ADCY5: variants seen among roughly 807,000 people sequenced by gnomAD.
ADCY5 encodes the protein adenylate cyclase type 5.
In ADCY5, 30 loss-of-function variants were observed where a neutral mutation model predicts 119.7. The observed-to-expected ratio is 0.25, with a 90% CI of 0.19 to 0.34. ADCY5 has a LOEUF of 0.34. Among genes scored for constraint, ADCY5 ranks in the 10% least tolerant of loss-of-function variants. ADCY5 has a pLI of 1.00. For missense variants in ADCY5, 1,324 were observed against 1,775.2 expected, an observed-to-expected ratio of 0.75 and a Z score of 4.57; for synonymous variants, 753 against 762.2, an observed-to-expected ratio of 0.99 and a Z score of 0.20.
rs549665305 is a variant in ADCY5, at chr3:123,302,443, G to A, written c.2724+612C>T. 8.5e-5 allele frequency among the ~76,000 whole-genome samples: 13 copies of A among 152,300 alleles called. No individual in the cohort carries two copies. In the South Asian group the frequency reaches 1.5e-3, roughly 17 times the overall value. On this transcript the variant is annotated intron_variant, in intron 14 of 20. Coordinates refer to ENST00000462833, the MANE Select transcript of ADCY5 (RefSeq NM_183357.3). ...TGAACACACTAAAAGCTACTGAACC[G>A]TGCACTTTGAACGGGTGAGGTTTAT...
chr3:123,371,082 G>C (rs1047985904), intron 1 of ADCY5, among the ~76,000 whole-genome samples: 19 of 152,198 alleles, frequency 1.2e-4, no homozygotes, highest in Non-Finnish European at 2.5e-4. Context: ...ACAGTGGCCA[G>C]ACTCTGCACG....
chr3:123,414,335 C>A (rs766120643), intron 1 of ADCY5, among the ~76,000 whole-genome samples: 3 of 152,206 alleles, frequency 2.0e-5, no homozygotes, highest in Non-Finnish European at 4.4e-5. Context: ...CCTCTCTAAG[C>A]CTTTTTTTCT....
rs764072307 is a variant in ADCY5 at position 123,300,148 on chromosome 3, C to T, written c.2872G>A (p.Ala958Thr). The T allele has an allele frequency of 5.0e-6, 8 of 1,613,868 alleles. No individual in the cohort carries two copies. The highest frequency in any genetic ancestry group is 1.3e-5 in the African/African-American group (1 of 75,058). ...EVPGVTLFDN[A>T]DLLVTANAID... The stretch of plus-strand genomic sequence containing the variant: ...GCGTTGGCGGTGACCAGCAGGTCGG[C>T]GTTGTCGAAGAGCGTGACACCTGGC... Residue 958 changes from alanine to threonine, a missense_variant, in exon 15 of 21, where the codon GCC becomes ACC. Coordinates refer to ENST00000462833, the MANE Select transcript of ADCY5 (RefSeq NM_183357.3).
chr3:123,306,491 C>T (rs1940205650), intron 12 of ADCY5, among the ~76,000 whole-genome samples: 1 of 152,110 alleles, frequency 6.6e-6, no homozygotes, highest in African/African-American at 2.4e-5. Flanking sequence ...TTAGAGGTGA[C>T]ACCAAAAGCA....
intron 1 of ADCY5, among the ~76,000 whole-genome samples, chr3:123,407,396 AT>A (rs1428908476): frequency 6.6e-6 from 1 of 152,210 alleles, no homozygotes; most frequent in Non-Finnish European, 1.5e-5. Context: ...ATGGAATATT[AT>A]TCATCCATAA....
rs1945870941 is a variant in ADCY5 at position 123,448,428 on chromosome 3, T to G, written c.118A>C (p.Asn40His). 7.3e-7 allele frequency: 1 copy of G among 1,365,300 alleles called. No individual in the cohort carries two copies. The highest frequency in any genetic ancestry group is 9.4e-7 in the Non-Finnish European group (1 of 1,061,820). 84.6% of individuals were successfully genotyped at this position (1,365,300 alleles called of 1,614,324 possible). A position where few individuals can be genotyped will look rare whatever the true frequency, so the allele number is the denominator to read the frequency against. ...CCCCCGGGGGCATGGGGGTAGCCATTCGCGCGGGAATCGGCCTCGCCCCAC... is the reference window on the plus strand; with the variant it reads ...CCCCCGGGGGCATGGGGGTAGCCATGCGCGCGGGAATCGGCCTCGCCCCAC... ...SAWGEADSRANGYPHAPGGSA... is the reference protein window; with the variant it reads ...SAWGEADSRAHGYPHAPGGSA... The change falls in exon 1 of 21, where the codon AAT (asparagine) becomes CAT (histidine). Residue 40 changes from asparagine (N) to histidine (H), a missense_variant. Transcript: ENST00000462833.
chr3:123,327,008 A>G (rs977905103), intron 7 of ADCY5, among the ~76,000 whole-genome samples: 3 of 152,232 alleles, frequency 2.0e-5, no homozygotes, highest in Admixed American at 1.3e-4. Context: ...AGTAAAAGGC[A>G]TTTTAGTTTA....
intron 1 of ADCY5, among the ~76,000 whole-genome samples, chr3:123,440,085 A>G (rs1175584018): frequency 6.6e-6 from 1 of 152,226 alleles, no homozygotes; most frequent in African/African-American, 2.4e-5. Flanking sequence ...CAGAGCTTAG[A>G]GTCTGCGTGC....
chr3:123,292,684 C>T (rs1026315919), intron 17 of ADCY5, among the ~76,000 whole-genome samples: 4 of 152,116 alleles, frequency 2.6e-5, no homozygotes, highest in Non-Finnish European at 5.9e-5. Flanking sequence ...GTGTCTGGCT[C>T]TGGAACAGCT....
Position 123,291,516 on chromosome 3 carries a change from C to T in ADCY5, c.3064-140G>A, listed in dbSNP as rs56066738. ...TTGTGCCCAGGATGTTGGCAAGTACCGCTGTCTCTCCTCCTCTCTCTGCTG... is the reference window on the plus strand; with the variant it reads ...TTGTGCCCAGGATGTTGGCAAGTACTGCTGTCTCTCCTCCTCTCTCTGCTG... On this transcript the variant is annotated intron_variant, in intron 17 of 20. Coordinates refer to ENST00000462833, the MANE Select transcript of ADCY5 (RefSeq NM_183357.3). 0.17 allele frequency: 171,892 copies of T among 998,978 alleles called. 16,287 individuals carry two copies. The highest frequency in any genetic ancestry group is 0.27 in the Middle Eastern group (1,248 of 4,612). The allele number at this position is 998,978 out of a possible 1,614,324, so 61.9% of individuals were successfully genotyped here.
Position 123,325,410 on chromosome 3 carries a change from A to T in ADCY5, c.2000T>A (p.Ile667Asn), listed in dbSNP as rs771435487. 7.4e-6 allele frequency: 12 copies of T among 1,614,186 alleles called. No homozygotes were observed. The highest frequency in any genetic ancestry group is 1.0e-5 in the Non-Finnish European group (12 of 1,180,020). The change falls in exon 8 of 21, where the codon ATC becomes AAC. Residue 667 changes from isoleucine to asparagine, a missense_variant. Transcript: ENST00000462833. The part of the protein sequence containing the change: ...AKMNRQRTNS[I>N]GHNPPHWGAE... ...CCCCCAGTGTGGTGGGTTGTGCCCG[A>T]TGGAGTTGGTTCTCTGGCGGTTCAT...
At chr3:123,412,705 C>T (rs941530791) in intron 1 of ADCY5, among the ~76,000 whole-genome samples, 1 of 152,070 alleles carries the variant, frequency 6.6e-6, no homozygotes, top group African/African-American at 2.4e-5. Flanking sequence ...TCCAACTCCC[C>T]CATCCCTCAT....
At chr3:123,387,830 A>T (rs1944274282) in intron 1 of ADCY5, among the ~76,000 whole-genome samples, 1 of 152,228 alleles carries the variant, frequency 6.6e-6, no homozygotes, top group Admixed American at 6.5e-5. Flanking sequence ...GTCTAGGAGG[A>T]GACAGATAAA....
In ADCY5 at chr3:123,361,925, A is replaced by C. The variant is rs535076052; in HGVS notation, c.1135-9344T>G. On this transcript the variant is annotated intron_variant, in intron 1 of 20. Transcript: ENST00000462833. ...CCACTGTGGCATCATGTCAGAGCTC[A>C]AAATGTTTCAGATTTTAGAGCATTT... 1.2e-4 allele frequency among the ~76,000 whole-genome samples: 18 copies of C among 152,354 alleles called. 1 individual carries two copies. Among genetic ancestry groups the C allele is most frequent in the South Asian group, 8.3e-4 (4 of 4,822 alleles).
chr3:123,437,264 G>C (rs1037569881), intron 1 of ADCY5, among the ~76,000 whole-genome samples: 1 of 152,162 alleles, frequency 6.6e-6, no homozygotes, highest in African/African-American at 2.4e-5. Context: ...GTGCCCAACA[G>C]CCACTGGTTG....
chr3:123,359,331 A>AATACATATATATATATAT (rs1476687771), intron 1 of ADCY5, among the ~76,000 whole-genome samples: 6 of 109,764 alleles, frequency 5.5e-5, no homozygotes, highest in African/African-American at 1.9e-4. Context: ...CTTATACTAA[A>AATACATATATATATATAT]ATATATATAT....
At chr3:123,416,566 A>G (rs1414986552) in intron 1 of ADCY5, among the ~76,000 whole-genome samples, 1 of 152,206 alleles carries the variant, frequency 6.6e-6, no homozygotes, top group Non-Finnish European at 1.5e-5. Context: ...TGCTGGGGAC[A>G]AGGCAGCCTG....
intron 7 of ADCY5, among the ~76,000 whole-genome samples, chr3:123,327,000 T>A (rs1941524970): frequency 6.6e-6 from 1 of 152,240 alleles, no homozygotes; most frequent in African/African-American, 2.4e-5. Context: ...GACTCATAAG[T>A]AAAAGGCATT....
chr3:123,434,274 C>T (rs2107648413), intron 1 of ADCY5, among the ~76,000 whole-genome samples: 1 of 152,342 alleles, frequency 6.6e-6, no homozygotes. Flanking sequence ...TTCCTCCTCT[C>T]CAAAACCACA....
Sources: allele counts gnomAD v4.1 joint callset (sites outside exome capture counted in the v4.1 genomes callset), GRCh38; gene constraint gnomAD v4.1.1; transcripts MANE v1.5; gene names NCBI Gene and HGNC (gene_info 2026-07-23, HGNC 2026-07-21).